Variants in DLGAP4 observed in about 807,000 individuals in gnomAD.
The protein encoded by DLGAP4 is disks large-associated protein 4.
In DLGAP4, 18 loss-of-function variants were observed where a neutral mutation model predicts 86.9. The observed-to-expected ratio is 0.21, with a 90% CI of 0.14 to 0.31. DLGAP4 has a LOEUF of 0.31. Ranked by LOEUF, DLGAP4 falls within the 10% of genes least tolerant of loss-of-function variation. DLGAP4 has a pLI of 1.00. For synonymous variants in DLGAP4, 548 were observed against 574.3 expected (o/e 0.95, Z 0.65); for missense variants, 1,085 against 1,362.6 (o/e 0.80, Z 3.21).
intron 7 of DLGAP4, among the ~76,000 whole-genome samples, chr20:36,487,163 T>C (rs963089975): frequency 6.6e-6 from 1 of 151,706 alleles, no homozygotes; most frequent in African/African-American, 2.4e-5. Flanking sequence ...GCTTCTGGAG[T>C]GTATAACTGA....
intron 10 of DLGAP4, among the ~76,000 whole-genome samples, chr20:36,521,381 TC>T (rs2037371339): frequency 6.6e-6 from 1 of 152,310 alleles, no homozygotes; most frequent in Admixed American, 6.5e-5. Context: ...TATTACTTAG[TC>T]CCTACTTCTG....
chr20:36,360,669 G>A (rs1468770563), intron 1 of DLGAP4, among the ~76,000 whole-genome samples: 1 of 151,984 alleles, frequency 6.6e-6, no homozygotes, highest in African/African-American at 2.4e-5. Flanking sequence ...ACCAAGGGGC[G>A]GGTGGACAGA....
chr20:36,350,718 T>C lies in DLGAP4; in HGVS notation c.-303-16327T>C, dbSNP rs1210217917. ...ATCACAAAGTGCTTCTCACAGCAGA[T>C]GGCAGAGATGTGATGTGTGCTGAGG... is the stretch of plus-strand genomic sequence containing the variant. On this transcript the variant is annotated intron_variant, in intron 1 of 12. Coordinates refer to ENST00000339266, the MANE Select transcript of DLGAP4 (RefSeq NM_001365621.2). This position sits in a 1 kb window ranked among gnomAD's most constrained non-coding sequence, Gnocchi z 4.4. Among the ~76,000 whole-genome samples, 1 of 152,260 alleles carries C rather than the reference T, an allele frequency of 6.6e-6. No homozygotes were observed. The highest frequency in any genetic ancestry group is 2.4e-5 in the African/African-American group (1 of 41,476).
At chr20:36,516,962 T>A (rs1214623981) in intron 10 of DLGAP4, among the ~76,000 whole-genome samples, 2 of 151,402 alleles carry the variant, frequency 1.3e-5, no homozygotes, top group African/African-American at 4.8e-5. Flanking sequence ...TGTATCTCTA[T>A]AAAAAATACA....
At chr20:36,461,746 C>T (rs1600567017) in intron 7 of DLGAP4, 1 of 849,978 alleles carries the variant, frequency 1.2e-6, no homozygotes, top group Non-Finnish European at 1.4e-6. Context: ...TCCGTCCGTC[C>T]GTCCGCCCGC....
chr20:36,338,584 A>G (rs1220827209), intron 1 of DLGAP4, among the ~76,000 whole-genome samples: 3 of 152,080 alleles, frequency 2.0e-5, no homozygotes, highest in African/African-American at 7.2e-5. Context: ...AAACAAACAA[A>G]CAAACAAACA....
intron 2 of DLGAP4, among the ~76,000 whole-genome samples, chr20:36,389,740 C>T (rs1737818853): frequency 6.6e-6 from 1 of 152,130 alleles, no homozygotes. Context: ...TATAAATTTG[C>T]CTCTGAGCTT....
chr20:36,335,064 G>A (rs560692911), intron 1 of DLGAP4, among the ~76,000 whole-genome samples: 45 of 152,256 alleles, frequency 3.0e-4, no homozygotes, highest in Non-Finnish European at 7.4e-5. Context: ...CTGCAGGTTG[G>A]AGCTGGCACC....
chr20:36,466,595 T>G (rs547790181), intron 7 of DLGAP4, among the ~76,000 whole-genome samples: 3 of 152,340 alleles, frequency 2.0e-5, no homozygotes, highest in Non-Finnish European at 4.4e-5. Context: ...CTGCCTTTCC[T>G]CACTCAACCT....
intron 7 of DLGAP4, among the ~76,000 whole-genome samples, chr20:36,485,991 G>T (rs1600630006): frequency 6.6e-6 from 1 of 152,196 alleles, no homozygotes; most frequent in Non-Finnish European, 1.5e-5. Flanking sequence ...GTGCTCCTGT[G>T]TGTGGTGGGG....
intron 2 of DLGAP4, among the ~76,000 whole-genome samples, chr20:36,382,650 C>T (rs963600833): frequency 1.0e-3 from 155 of 151,536 alleles, no homozygotes; most frequent in African/African-American, 3.6e-3. Context: ...CTGCCTCAGC[C>T]TCCCGAGTAG....
At chr20:36,362,816 G>A (rs562715544) in intron 1 of DLGAP4, among the ~76,000 whole-genome samples, 1 of 152,314 alleles carries the variant, frequency 6.6e-6, no homozygotes, top group South Asian at 2.1e-4. Context: ...GACAGGCTCA[G>A]GGAATGTGCT....
intron 1 of DLGAP4, among the ~76,000 whole-genome samples, chr20:36,365,231 C>T (rs782190794): frequency 2.0e-5 from 3 of 152,244 alleles, no homozygotes; most frequent in Non-Finnish European, 4.4e-5. Flanking sequence ...GTGCTGGGCA[C>T]AGGCCACCTC....
chr20:36,309,724 A>G (rs2065036130), intron 1 of DLGAP4, among the ~76,000 whole-genome samples: 2 of 152,322 alleles, frequency 1.3e-5, no homozygotes, highest in African/African-American at 4.8e-5. Context: ...TTACCTGTTC[A>G]GCCCTTCCTT....
intron 2 of DLGAP4, among the ~76,000 whole-genome samples, chr20:36,420,746 G>A (rs951321393): frequency 2.6e-5 from 4 of 152,090 alleles, no homozygotes; most frequent in African/African-American, 9.7e-5. Flanking sequence ...GGCCGAGGCG[G>A]GCGGATCACC....
chr20:36,370,384 G>A (rs374657693), intron 2 of DLGAP4, among the ~76,000 whole-genome samples: 80 of 152,092 alleles, frequency 5.3e-4, no homozygotes, highest in African/African-American at 1.6e-3. Context: ...TACTTGGGAG[G>A]CTGAAGTGGG....
At chr20:36,494,970 T>TC (rs1233523828) in intron 7 of DLGAP4, among the ~76,000 whole-genome samples, 5 of 149,952 alleles carry the variant, frequency 3.3e-5, no homozygotes, top group South Asian at 2.1e-4. Context: ...AAAGTGGTTT[T>TC]TTTTTTTTGT....
At chr20:36,496,550 C>T (rs2035894249) in intron 7 of DLGAP4, among the ~76,000 whole-genome samples, 155 bp from the exon 8 acceptor site, 1 of 152,172 alleles carries the variant, frequency 6.6e-6, no homozygotes, top group African/African-American at 2.4e-5. Context: ...CAGTCTTGAC[C>T]CTCGTTCTCC....
intron 4 of DLGAP4, among the ~76,000 whole-genome samples, chr20:36,438,688 G>C (rs1446503102): frequency 6.8e-6 from 1 of 147,226 alleles, no homozygotes; most frequent in East Asian, 2.0e-4. Flanking sequence ...CACCACGCCT[G>C]GTCAGTTTCC....
Sources: gnomAD v4.1 joint callset for allele counts (sites outside exome capture counted in the v4.1 genomes callset) on GRCh38, gnomAD v4.1.1 for gene constraint, Gnocchi (gnomAD v3.1) non-coding constraint, MANE v1.5 for transcripts, NCBI Gene and HGNC (gene_info 2026-07-23, HGNC 2026-07-21) for gene names.